The following MACF1 variants were observed in gnomAD, a reference collection of about 807,000 sequenced individuals.
MACF1 encodes the protein microtubule-actin cross-linking factor 1.
In MACF1, 193 loss-of-function variants were observed where a neutral mutation model predicts 854.8. That is an observed-to-expected ratio of 0.23 (90% CI 0.20 to 0.25). MACF1 has a LOEUF of 0.25. Ranked by LOEUF, MACF1 falls within the 10% of genes least tolerant of loss-of-function variation. The pLI is 1.00. For synonymous variants in MACF1, 3,185 were observed against 3,226.7 expected (o/e 0.99, Z 0.44); for missense variants, 7,722 against 8,929.1 (o/e 0.86, Z 5.45).
intron 80 of MACF1, 34 bp downstream of exon 80, chr1:39,444,869 G>T (rs1390639211): frequency 6.5e-7 from 1 of 1,528,548 alleles, no homozygotes; most frequent in South Asian, 1.2e-5. Context: ...TGAGTAATTT[G>T]CTGAGTGATT....
intron 1 of MACF1, among the ~76,000 whole-genome samples, chr1:39,222,152 G>A (rs1203742670): frequency 6.6e-6 from 1 of 151,986 alleles, no homozygotes; most frequent in Non-Finnish European, 1.5e-5. Flanking sequence ...TTTGAGACAG[G>A]GTCTTGCTGT....
rs769079235 is a variant in MACF1, at chr1:39,422,825, C to T, written c.16074C>T (p.Thr5358=). The stretch of plus-strand genomic sequence containing the variant: ...CATTGCTCAGCTGGTTGGCAGATAC[C>T]GAGGAGCTCATAGCCAATCAGAAAC... The part of the protein sequence containing the change: ...LEPLLSWLAD[T]EELIANQKPP... The change falls in exon 60 of 101, where the codon ACC becomes ACT. Residue 5358 remains threonine, a synonymous_variant. Coordinates refer to ENST00000564288, the MANE Select transcript of MACF1 (RefSeq NM_001394062.1). 3.9e-5 allele frequency: 63 copies of T among 1,613,980 alleles called. No homozygotes were observed. Among genetic ancestry groups the T allele is most frequent in the Non-Finnish European group, 5.0e-5 (59 of 1,180,022 alleles).
At chr1:39,378,402 C>T (rs1649896204) in intron 52 of MACF1, 59 bp from the exon 53 acceptor site, 3 of 1,249,424 alleles carry the variant, frequency 2.4e-6, no homozygotes, top group East Asian at 2.3e-5. Context: ...AATTCAGTGC[C>T]TATATGTATT....
rs771075392 is a variant in MACF1, at chr1:39,357,796, A to C, written c.11846A>C (p.Asn3949Thr). The part of the protein sequence containing the change: ...ISGQKVLDME[N>T]SFKEGKEPSE... ...GGACAGAAAGTCTTGGACATGGAAA[A>C]CAGTTTTAAGGAAGGCAAAGAACCA... The change falls in exon 45 of 101, where the codon AAC (asparagine) becomes ACC (threonine). Residue 3949 changes from asparagine (N) to threonine (T), a missense_variant. Physicochemically the swap from Asn to Thr is moderately conservative, Grantham distance 65. Around this residue, in one of 15 missense-constraint regions of MACF1, gnomAD observed 2,807 missense variants for 3,235.8 expected, o/e 0.87. Coordinates refer to ENST00000564288, the MANE Select transcript of MACF1 (RefSeq NM_001394062.1). The C allele has an allele frequency of 6.2e-7, 1 of 1,614,140 alleles. No individual in the cohort carries two copies. Among genetic ancestry groups the C allele is most frequent in the South Asian group, 1.1e-5 (1 of 91,078 alleles).
intron 58 of MACF1, chr1:39,410,302 C>T: frequency 1.9e-6 from 3 of 1,610,998 alleles, no homozygotes; most frequent in Non-Finnish European, 2.5e-6. Flanking sequence ...CTGTTTAAGG[C>T]GGAACCCCAG....
At chr1:39,189,485 A>G (rs1442467444) in intron 2 of MACF1, among the ~76,000 whole-genome samples, 1 of 152,150 alleles carries the variant, frequency 6.6e-6, no homozygotes, top group Non-Finnish European at 1.5e-5. Flanking sequence ...AATCTTCCCA[A>G]TTTACTTACC....
At chr1:39,202,730 A>G (rs1644407708), upstream of MACF1, among the ~76,000 whole-genome samples, 1 of 151,848 alleles carries the variant, frequency 6.6e-6, no homozygotes, top group Non-Finnish European at 1.5e-5. Flanking sequence ...GTGACAAGCT[A>G]TGTATTTACC....
chr1:39,273,131 ATTTTTTTTTT>A (rs561821846), intron 6 of MACF1, among the ~76,000 whole-genome samples: 62 of 120,458 alleles, frequency 5.1e-4, no homozygotes, highest in African/African-American at 1.8e-3. Context: ...CTCTATACCA[ATTTTTTTTTT>A]TTTTTTTTTT....
Position 39,485,494 on chromosome 1 carries a change from C to T in MACF1, c.22412-44C>T, listed in dbSNP as rs568760885. ...CTTCTGCTCACTTGTTCTTCCACCC[C>T]ATGCCATCTCTATTAAGTCTGCTGT... On this transcript the variant is annotated intron_variant, in intron 100 of 100. Coordinates refer to ENST00000564288, the MANE Select transcript of MACF1 (RefSeq NM_001394062.1). 9 of 1,536,920 alleles carry T rather than the reference C, an allele frequency of 5.9e-6. No individual in the cohort carries two copies. The Admixed American group carries it at 1.2e-4, about 20-fold the overall frequency.
Position 39,358,671 on chromosome 1 carries a change from T to C in MACF1, c.11944-26T>C, listed in dbSNP as rs762662954. The C allele has an allele frequency of 5.6e-6, 9 of 1,611,062 alleles. No homozygotes were observed. In the East Asian group the frequency reaches 2.0e-4, roughly 36 times the overall value. Reference sequence around the variant, plus strand: ...CCTTTGGCCTGACCTTGCTTAAGTCTGCTTACCTTTCTTTCTCTGGCACAG... The same window carrying C: ...CCTTTGGCCTGACCTTGCTTAAGTCCGCTTACCTTTCTTTCTCTGGCACAG... On this transcript the variant is annotated intron_variant, in intron 45 of 100. Coordinates refer to ENST00000564288, the MANE Select transcript of MACF1 (RefSeq NM_001394062.1).
intron 2 of MACF1, among the ~76,000 whole-genome samples, chr1:39,199,340 A>G (rs997169514): frequency 2.0e-5 from 3 of 151,378 alleles, no homozygotes; most frequent in African/African-American, 7.3e-5. Context: ...GGAATCAGGC[A>G]TAATAAAAGT....
intron 64 of MACF1, 40 bp downstream of exon 64, chr1:39,429,366 CAA>C (rs751480655): frequency 1.8e-6 from 2 of 1,142,042 alleles, no homozygotes; most frequent in Non-Finnish European, 2.6e-6. Context: ...CCTATGGTCT[CAA>C]AGACAATTAT....
At chr1:39,417,765 A>G (rs1569991347) in intron 58 of MACF1, among the ~76,000 whole-genome samples, 1 of 103,136 alleles carries the variant, frequency 9.7e-6, no homozygotes, top group Non-Finnish European at 1.8e-5. Context: ...TTTAGTAGAG[A>G]CAGGGTTTCA....
At chr1:39,121,867 A>T (rs1642724324) in intron 2 of MACF1, among the ~76,000 whole-genome samples, 1 of 152,224 alleles carries the variant, frequency 6.6e-6, no homozygotes, top group South Asian at 2.1e-4. Context: ...TCACACAGCT[A>T]GTAAGTGACT....
At chr1:39,450,304 A>ATTT (rs558073532) in intron 84 of MACF1, among the ~76,000 whole-genome samples, 17 of 149,062 alleles carry the variant, frequency 1.1e-4, no homozygotes, top group African/African-American at 3.7e-4. Flanking sequence ...CTGTACTCCA[A>ATTT]TTTTTTTTTT....
intron 70 of MACF1, among the ~76,000 whole-genome samples, chr1:39,437,452 G>A (rs182954814): frequency 5.9e-5 from 9 of 151,696 alleles, no homozygotes; most frequent in Non-Finnish European, 1.2e-4. Flanking sequence ...CTGGGACTAC[G>A]GGCGTGCGCC....
intron 52 of MACF1, among the ~76,000 whole-genome samples, chr1:39,375,819 C>T (rs979697239): frequency 2.0e-5 from 3 of 152,164 alleles, no homozygotes; most frequent in East Asian, 3.8e-4. Context: ...AGGGCTTTTA[C>T]ACATAGAAAA....
In MACF1 at chr1:39,442,519, A is replaced by G; in HGVS notation, c.19056A>G (p.Pro6352=). 1.2e-6 allele frequency: 2 copies of G among 1,614,238 alleles called. No individual in the cohort carries two copies. The highest frequency in any genetic ancestry group is 2.2e-5 in the East Asian group (1 of 44,890). The change falls in exon 77 of 101, where the codon CCA becomes CCG. Residue 6352 remains proline (P), a synonymous_variant. Coordinates refer to ENST00000564288, the MANE Select transcript of MACF1 (RefSeq NM_001394062.1). ...HTEELLDAQR[P]ISGDPKVIEV... ...AAGAGTTGTTAGATGCTCAGAGACC[A>G]ATAAGTGGAGACCCAAAAGTCATTG...
At chr1:39,468,067 G>A (rs1644705787) in intron 95 of MACF1, 1 of 152,414 alleles carries the variant, frequency 6.6e-6, no homozygotes, top group Non-Finnish European at 1.5e-5. Context: ...AGGCAGTGGT[G>A]TGACCATTAA....
Sources: gnomAD v4.1 joint callset for allele counts (sites outside exome capture counted in the v4.1 genomes callset) on GRCh38, gnomAD v4.1.1 for gene constraint, gnomAD v4.1.1 regional missense constraint, MANE v1.5 for transcripts, NCBI Gene and HGNC (gene_info 2026-07-23, HGNC 2026-07-21) for gene names.